The following DNAH9 variants were observed in gnomAD, a reference collection of about 807,000 sequenced individuals.
DNAH9 encodes DNAH9 variant protein.
Under a neutral mutation model 471.6 loss-of-function variants are expected in DNAH9, and 345 were observed. The ratio of observed to expected loss-of-function variants is 0.73; its 90% CI spans 0.67 to 0.80. The LOEUF is 0.80. Ranked by LOEUF, DNAH9 falls within the 30% of genes least tolerant of loss-of-function variation. The probability of loss-of-function intolerance (pLI) is 0.00; values close to 1 mark genes in which losing one functional copy is unlikely to be tolerated. For synonymous variants in DNAH9, 2,093 were observed against 2,123.6 expected, an observed-to-expected ratio of 0.99 and a Z score of 0.40; for missense variants, 5,407 against 5,609.2, an observed-to-expected ratio of 0.96 and a Z score of 1.15.
At chr17:11,687,978 C>CA (rs1287645858) in intron 19 of DNAH9, among the ~76,000 whole-genome samples, 1 of 139,628 alleles carries the variant, frequency 7.2e-6, no homozygotes, top group African/African-American at 2.6e-5. Flanking sequence ...TACTAAAATA[C>CA]AAAAAATTAG....
chr17:11,701,372 TC>T, intron 24 of DNAH9, 125 bp downstream of exon 24: 1 of 1,073,044 alleles, frequency 9.3e-7, no homozygotes, highest in Non-Finnish European at 1.4e-6. Context: ...GAGGCTTGAA[TC>T]CCAGACCACT....
At chr17:11,622,422 A>C (rs2072887061) in intron 6 of DNAH9, among the ~76,000 whole-genome samples, 1 of 151,830 alleles carries the variant, frequency 6.6e-6, no homozygotes. Context: ...CTCCTCCTGC[A>C]CTCTGTATTC....
chr17:11,699,986 C>G, intron 23 of DNAH9, 103 bp downstream of exon 23: 1 of 1,161,728 alleles, frequency 8.6e-7, no homozygotes, highest in African/African-American at 1.5e-5. Flanking sequence ...GACCTTGGTC[C>G]AGAGCTGCTG....
chr17:11,779,810 A>G (rs955868060), intron 38 of DNAH9, among the ~76,000 whole-genome samples: 1 of 152,216 alleles, frequency 6.6e-6, no homozygotes, highest in African/African-American at 2.4e-5. Context: ...TTGATAGTGT[A>G]TGTTAATTGG....
intron 60 of DNAH9, among the ~76,000 whole-genome samples, chr17:11,905,075 A>T (rs1009658603): frequency 4.0e-5 from 6 of 151,780 alleles, no homozygotes; most frequent in African/African-American, 1.5e-4. Flanking sequence ...CTGCTAAAAT[A>T]TAAAAAAAAT....
intron 41 of DNAH9, among the ~76,000 whole-genome samples, chr17:11,787,415 C>T (rs941719999): frequency 6.6e-6 from 1 of 152,182 alleles, no homozygotes; most frequent in Non-Finnish European, 1.5e-5. Context: ...ACTTAAAGCA[C>T]ATCAGGAGGC....
intron 26 of DNAH9, among the ~76,000 whole-genome samples, chr17:11,711,346 G>A (rs1177703702): frequency 2.0e-5 from 3 of 152,160 alleles, no homozygotes; most frequent in Admixed American, 2.0e-4. Context: ...ACAGTGGGGA[G>A]TATATAATGT....
intron 14 of DNAH9, among the ~76,000 whole-genome samples, chr17:11,657,327 T>G (rs964932020): frequency 1.9e-4 from 29 of 152,134 alleles, no homozygotes; most frequent in African/African-American, 6.8e-4. Context: ...TTTATACTTT[T>G]GAATATTTTT....
intron 22 of DNAH9, among the ~76,000 whole-genome samples, chr17:11,697,562 C>T (rs1458453316): frequency 4.6e-5 from 7 of 152,104 alleles, no homozygotes; most frequent in African/African-American, 7.2e-5. Flanking sequence ...AAAACGAGTG[C>T]TTTTATGATC....
rs573086727 is a variant in DNAH9, at chr17:11,613,741, G to C, written c.904+1961G>C. 5.3e-5 allele frequency among the ~76,000 whole-genome samples: 8 copies of C among 152,306 alleles called. No homozygotes were observed. The South Asian group carries it at 1.5e-3, about 28-fold the overall frequency. The stretch of plus-strand genomic sequence containing the variant: ...TTGGGTTAAATTGGGAGTCAATGTA[G>C]AGAAAAATATGAAGTAAGCAATAGA... On this transcript the variant is annotated intron_variant, in intron 4 of 68. Transcript: ENST00000262442.
At chr17:11,949,316 T>C (rs1213509454) in intron 67 of DNAH9, among the ~76,000 whole-genome samples, 4 of 152,124 alleles carry the variant, frequency 2.6e-5, no homozygotes, top group Non-Finnish European at 5.9e-5. Flanking sequence ...AATGCAGCAT[T>C]TTCTTGAGCG....
intron 48 of DNAH9, among the ~76,000 whole-genome samples, chr17:11,824,501 A>G (rs977724620): frequency 1.3e-5 from 2 of 152,100 alleles, no homozygotes; most frequent in Non-Finnish European, 2.9e-5. Context: ...AGCAATAGTC[A>G]GTTGGATGGG....
rs112063494 is a variant in DNAH9 at position 11,631,640 on chromosome 17, C to CAA, written c.1519-934_1519-933dup. ...TGGGTGACAGAGTGAGACTCTGTCT[C>CAA]AAAAAAAAAAAAAAGCAGACCACAA... is the stretch of plus-strand genomic sequence containing the variant. On this transcript the variant is annotated intron_variant, in intron 7 of 68. Coordinates refer to ENST00000262442, the MANE Select transcript of DNAH9 (RefSeq NM_001372.4). Among the ~76,000 whole-genome samples, 1,031 of 114,782 alleles carry CAA rather than the reference C, an allele frequency of 9.0e-3. 8 individuals carry two copies. The highest frequency in any genetic ancestry group is 0.017 in the South Asian group (54 of 3,202). 75.3% of individuals were successfully genotyped at this position (114,782 alleles called of 152,430 possible).
At chr17:11,881,635 A>G (rs1972725433) in intron 55 of DNAH9, among the ~76,000 whole-genome samples, 1 of 152,182 alleles carries the variant, frequency 6.6e-6, no homozygotes, top group Non-Finnish European at 1.5e-5. Flanking sequence ...AAGGCCGGGC[A>G]TGGTGGCTCA....
rs994251259 is a variant in DNAH9 at position 11,905,651 on chromosome 17, T to A, written c.11601-10T>A. On this transcript the variant is annotated splice_polypyrimidine_tract_variant and intron_variant, in intron 60 of 68. Transcript: ENST00000262442. ...TATGTATAAATCTATATGTGCTTTT[T>A]TTCTGGCAGAGATTTTGTTGAAGAG... The A allele has an allele frequency of 6.2e-7, 1 of 1,613,220 alleles. No individual in the cohort carries two copies. Among genetic ancestry groups the A allele is most frequent in the African/African-American group, 1.3e-5 (1 of 74,882 alleles).
chr17:11,604,426 A>G (rs1346675628), intron 1 of DNAH9, among the ~76,000 whole-genome samples: 1 of 152,006 alleles, frequency 6.6e-6, no homozygotes, highest in Non-Finnish European at 1.5e-5. Flanking sequence ...TTCAATTTCA[A>G]AGTTCCACAA....
At chr17:11,926,412 C>G (rs1027993722) in intron 62 of DNAH9, among the ~76,000 whole-genome samples, 3 of 152,150 alleles carry the variant, frequency 2.0e-5, no homozygotes, top group Admixed American at 6.6e-5. Flanking sequence ...CCCTCTCCCC[C>G]TATTCCACAA....
chr17:11,792,938 A>T (rs939258551), intron 41 of DNAH9, among the ~76,000 whole-genome samples: 1 of 152,184 alleles, frequency 6.6e-6, no homozygotes, highest in African/African-American at 2.4e-5. Context: ...ATTTCATGGG[A>T]TCATCATGAG....
intron 28 of DNAH9, among the ~76,000 whole-genome samples, chr17:11,734,794 G>A (rs951955815): frequency 1.3e-5 from 2 of 152,206 alleles, no homozygotes; most frequent in Non-Finnish European, 2.9e-5. Flanking sequence ...AAATTTCTAT[G>A]AGCACCGATG....
Sources: allele counts gnomAD v4.1 joint callset (sites outside exome capture counted in the v4.1 genomes callset), GRCh38; gene constraint gnomAD v4.1.1; transcripts MANE v1.5; gene names NCBI Gene and HGNC (gene_info 2026-07-23, HGNC 2026-07-21).